SPATA6: variants seen among roughly 807,000 people sequenced by gnomAD.
SPATA6 encodes the protein spermatogenesis-associated protein 6.
In SPATA6, 56 loss-of-function variants were observed where a neutral mutation model predicts 65.3. The ratio of observed to expected loss-of-function variants is 0.86; its 90% CI spans 0.69 to 1.07. SPATA6 has a LOEUF of 1.07. Among genes scored for constraint, SPATA6 ranks in the 50% least tolerant of loss-of-function variants. The pLI, the probability that SPATA6 is intolerant of heterozygous loss-of-function variation, is 0.00. For synonymous variants in SPATA6, 199 were observed against 213.2 expected (o/e 0.93, Z 0.58); for missense variants, 590 against 594.8 (o/e 0.99, Z 0.08).
chr1:48,290,163 T>C, the SPATA6 span, among the ~76,000 whole-genome samples: 10 of 152,240 alleles, frequency 6.6e-5, 1 homozygote, highest in South Asian at 1.5e-3. Context: ...GGCAGAAACT[T>C]TACAAGCCAG....
chr1:48,410,575 T>C (rs1331373008), intron 5 of SPATA6, among the ~76,000 whole-genome samples: 1 of 152,212 alleles, frequency 6.6e-6, no homozygotes, highest in African/African-American at 2.4e-5. Flanking sequence ...TATCTGAGAC[T>C]GGGTAATTTA....
intron 11 of SPATA6, 43 bp downstream of exon 11, chr1:48,355,627 A>T: frequency 7.2e-7 from 1 of 1,385,216 alleles, no homozygotes; most frequent in Non-Finnish European, 1.0e-6. Context: ...GGTTTTCTTG[A>T]CCTATTATAA....
At chr1:48,384,589 T>C (rs557981159) in intron 9 of SPATA6, among the ~76,000 whole-genome samples, 1 of 152,158 alleles carries the variant, frequency 6.6e-6, no homozygotes, top group African/African-American at 2.4e-5. Flanking sequence ...TTAGAAGATA[T>C]ACAGATTTTA....
chr1:48,369,329 G>C (rs891491596), intron 9 of SPATA6, among the ~76,000 whole-genome samples: 22 of 152,142 alleles, frequency 1.4e-4, no homozygotes, highest in Admixed American at 5.9e-4. Flanking sequence ...TGTCAGACAG[G>C]GACATTTAAG....
intron 8 of SPATA6, among the ~76,000 whole-genome samples, chr1:48,387,346 C>T (rs1470206619): frequency 2.6e-5 from 4 of 152,232 alleles, no homozygotes; most frequent in South Asian, 2.1e-4. Flanking sequence ...GCAGCACAAA[C>T]GAGATGCCAT....
intron 11 of SPATA6, among the ~76,000 whole-genome samples, chr1:48,342,910 T>C (rs1646260205): frequency 6.6e-6 from 1 of 152,100 alleles, no homozygotes; most frequent in East Asian, 1.9e-4. Flanking sequence ...GGAAAGCATC[T>C]GTGACAAAAT....
rs1364764804 is a variant in SPATA6, at chr1:48,367,347, T to C, written c.910-7577A>G. 3.3e-5 allele frequency among the ~76,000 whole-genome samples: 5 copies of C among 152,294 alleles called. No individual in the cohort carries two copies. The South Asian group carries it at 6.2e-4, about 19-fold the overall frequency. ...CAGAGCTGAGTTCAATTCCTGGGTA[T>C]CCTTGTTAACTTTCTGTCTCGTTAA... On this transcript the variant is annotated intron_variant, in intron 9 of 12. Transcript: ENST00000371847.
chr1:48,427,542 C>T (rs922136886), intron 3 of SPATA6, among the ~76,000 whole-genome samples: 1 of 150,244 alleles, frequency 6.7e-6, no homozygotes, highest in African/African-American at 2.5e-5. Flanking sequence ...AGAATATATA[C>T]AACGAATTTA....
At chr1:48,469,824 G>C (rs1250922585) in intron 1 of SPATA6, among the ~76,000 whole-genome samples, 1 of 151,772 alleles carries the variant, frequency 6.6e-6, no homozygotes, top group East Asian at 1.9e-4. Flanking sequence ...GGGGCGGTCA[G>C]GGGCGTTGTT....
chr1:48,421,422 T>C (rs1653324574), intron 3 of SPATA6, among the ~76,000 whole-genome samples: 1 of 152,082 alleles, frequency 6.6e-6, no homozygotes, highest in Non-Finnish European at 1.5e-5. Flanking sequence ...CCATGTTATA[T>C]TTGATCTCTA....
At chr1:48,386,046 T>C (rs1038014309) in intron 8 of SPATA6, among the ~76,000 whole-genome samples, 2 of 152,206 alleles carry the variant, frequency 1.3e-5, no homozygotes, top group Non-Finnish European at 2.9e-5. Flanking sequence ...AAGCAGGGGT[T>C]CAATTTCAAA....
chr1:48,345,149 G>C (rs549421399), intron 11 of SPATA6, among the ~76,000 whole-genome samples: 129 of 152,084 alleles, frequency 8.5e-4, no homozygotes, highest in African/African-American at 3.1e-3. Flanking sequence ...AAATGCAAAA[G>C]AACTGAAATC....
Position 48,472,052 on chromosome 1 carries a change from C to G in SPATA6, c.-44G>C. On this transcript the variant is annotated 5_prime_UTR_variant, in exon 1 of 13. Coordinates refer to ENST00000371847, the MANE Select transcript of SPATA6 (RefSeq NM_019073.4). ...CGGGGAGTGACCCCGGCCACGGGCC[C>G]GAGTGAGGCGGGGAGACCTGGGGCT... is the stretch of plus-strand genomic sequence containing the variant. 1 of 1,351,668 alleles carries G rather than the reference C, an allele frequency of 7.4e-7. No individual in the cohort carries two copies. Among genetic ancestry groups the G allele is most frequent in the Admixed American group, 2.8e-5 (1 of 36,228 alleles). The allele number at this position is 1,351,668 out of a possible 1,614,324, so 83.7% of individuals were successfully genotyped here.
intron 3 of SPATA6, among the ~76,000 whole-genome samples, chr1:48,414,361 A>C (rs1390304997): frequency 6.6e-6 from 1 of 152,176 alleles, no homozygotes; most frequent in Non-Finnish European, 1.5e-5. Flanking sequence ...CTCAGGAGAA[A>C]TTCTTTTTTC....
At chr1:48,313,068 T>C (rs147871660) in intron 11 of SPATA6, among the ~76,000 whole-genome samples, 10,090 of 152,284 alleles carry the variant, frequency 0.066, 424 homozygotes, top group Non-Finnish European at 0.093. Context: ...CTGTGTCTGA[T>C]TGGTGTACCT....
chr1:48,278,107 C>T, the SPATA6 span, among the ~76,000 whole-genome samples: 1 of 152,202 alleles, frequency 6.6e-6, no homozygotes, highest in African/African-American at 2.4e-5. Flanking sequence ...TCCAACAGAC[C>T]TGCAGCTGAG....
At chr1:48,278,630 G>A in the SPATA6 span, among the ~76,000 whole-genome samples, 8 of 152,214 alleles carry the variant, frequency 5.3e-5, no homozygotes, top group East Asian at 1.5e-3. Flanking sequence ...GAAGTTTAGA[G>A]GAAAAAGAAC....
chr1:48,469,684 A>G (rs1243625577), intron 1 of SPATA6, among the ~76,000 whole-genome samples: 2 of 152,102 alleles, frequency 1.3e-5, no homozygotes, highest in Non-Finnish European at 2.9e-5. Context: ...CAAGAAAGGA[A>G]CTAAAATCAA....
intron 4 of SPATA6, 143 bp downstream of exon 4, chr1:48,412,967 C>G: frequency 4.1e-6 from 1 of 245,860 alleles, no homozygotes; most frequent in Non-Finnish European, 7.6e-6. Context: ...CACATGAGTT[C>G]CCAAGTCAAT....
Sources: gnomAD v4.1 joint callset for allele counts (sites outside exome capture counted in the v4.1 genomes callset) on GRCh38, gnomAD v4.1.1 for gene constraint, MANE v1.5 for transcripts, NCBI Gene and HGNC (gene_info 2026-07-23, HGNC 2026-07-21) for gene names.